The following OPRM1 variants were observed in gnomAD, a reference collection of about 807,000 sequenced individuals.
OPRM1 encodes the protein mu-type opioid receptor.
In OPRM1, 27 loss-of-function variants were observed where a neutral mutation model predicts 31.8. The ratio of observed to expected loss-of-function variants is 0.85; its 90% CI spans 0.63 to 1.17. OPRM1 has a LOEUF of 1.17. Among genes scored for constraint, OPRM1 ranks in the 50% most tolerant of loss-of-function variants. OPRM1 has a pLI of 0.00. For synonymous variants in OPRM1, 196 were observed against 189.9 expected, an observed-to-expected ratio of 1.03 and a Z score of -0.26; for missense variants, 536 against 511.1, an observed-to-expected ratio of 1.05 and a Z score of -0.47.
intron 3 of OPRM1, among the ~76,000 whole-genome samples, chr6:154,236,802 A>C (rs960423317): frequency 2.0e-5 from 3 of 152,172 alleles, no homozygotes; most frequent in African/African-American, 7.2e-5. Context: ...CCTCAGCATC[A>C]GGGTAGAATC....
chr6:154,130,240 C>T lies in OPRM1; in HGVS notation c.*11519C>T, dbSNP rs560570353. Among the ~76,000 whole-genome samples, 2 of 148,620 alleles carry T rather than the reference C, an allele frequency of 1.3e-5. No individual in the cohort carries two copies. The highest frequency in any genetic ancestry group is 4.0e-4 in the East Asian group (2 of 5,056). On this transcript the variant is annotated 3_prime_UTR_variant, in exon 4 of 4. Transcript: ENST00000330432. ...CTGGAGTGCAGTGGCTCAATCTTGG[C>T]TCACTGCAACCTCTGCCTCCCGGGT...
intron 3 of OPRM1, chr6:154,219,016 T>A (rs1400223418): frequency 2.0e-5 from 3 of 152,198 alleles, no homozygotes; most frequent in African/African-American, 7.2e-5. Flanking sequence ...GAAGTATTTA[T>A]ATCATATCTA....
chr6:154,047,893 C>T (rs1343230353), intron 1 of OPRM1, among the ~76,000 whole-genome samples: 1 of 152,136 alleles, frequency 6.6e-6, no homozygotes, highest in African/African-American at 2.4e-5. Context: ...ATGAAAGCAC[C>T]AGCAGATTCT....
chr6:154,068,286 C>T, intron 1 of OPRM1, among the ~76,000 whole-genome samples: 1 of 152,142 alleles, frequency 6.6e-6, no homozygotes, highest in East Asian at 1.9e-4. Context: ...TAACTATAGT[C>T]ACCATGTTGT....
intron 3 of OPRM1, among the ~76,000 whole-genome samples, chr6:154,153,367 C>G (rs762404016): frequency 2.0e-5 from 3 of 152,112 alleles, no homozygotes; most frequent in Non-Finnish European, 4.4e-5. Context: ...TCCAGGTGAG[C>G]CTGTTGTAAT....
chr6:154,091,535 G>A, intron 3 of OPRM1, 63 bp downstream of exon 3: 1 of 1,527,148 alleles, frequency 6.5e-7, no homozygotes, highest in Non-Finnish European at 8.7e-7. Flanking sequence ...AAGGCTTTGT[G>A]CTAAACTAGG....
intron 1 of OPRM1, among the ~76,000 whole-genome samples, chr6:154,032,901 G>C (rs1187069765): frequency 1.3e-5 from 2 of 152,234 alleles, no homozygotes; most frequent in Non-Finnish European, 2.9e-5. Context: ...GTGCTCATGA[G>C]TTATTTAAGT....
At chr6:154,084,249 A>G (rs1027146249) in intron 1 of OPRM1, among the ~76,000 whole-genome samples, 1 of 152,224 alleles carries the variant, frequency 6.6e-6, no homozygotes, top group Non-Finnish European at 1.5e-5. Context: ...ACAACATTTT[A>G]TAGCAAAGTG....
At chr6:154,107,685 T>G (rs1398212464) in intron 3 of OPRM1, 1 of 718,440 alleles carries the variant, frequency 1.4e-6, no homozygotes, top group Admixed American at 2.0e-5. Flanking sequence ...GGTACTGCCG[T>G]GTGGTTAAAA....
At chr6:154,063,102 T>A (rs901797791) in intron 1 of OPRM1, among the ~76,000 whole-genome samples, 3 of 152,052 alleles carry the variant, frequency 2.0e-5, no homozygotes, top group Admixed American at 6.5e-5. Flanking sequence ...ATATTTTGCT[T>A]GCATAGCAAC....
At chr6:154,194,899 T>C (rs1397984305) in intron 3 of OPRM1, among the ~76,000 whole-genome samples, 1 of 152,050 alleles carries the variant, frequency 6.6e-6, no homozygotes. Context: ...TTTCCCAACA[T>C]CAAATGATAC....
chr6:154,010,805 T>C, exon 1 of OPRM1: 1 of 1,406,378 alleles, frequency 7.1e-7, no homozygotes, highest in Non-Finnish European at 9.3e-7. Flanking sequence ...TGGGCTGCTC[T>C]GAGATGATAG....
intron 3 of OPRM1, among the ~76,000 whole-genome samples, chr6:154,147,898 G>A (rs1012461675): frequency 2.6e-5 from 4 of 152,182 alleles, no homozygotes; most frequent in Non-Finnish European, 4.4e-5. Flanking sequence ...TTGGTTCCTT[G>A]ACCTATATAA....
Position 154,128,675 on chromosome 6 carries a change from C to G in OPRM1, c.*9954C>G, listed in dbSNP as rs981352144. ...TTGAAGCAATCATACTGGTTGTTCTCGAACTAGCTGGTTTCCCAGAGACAG... is the reference window on the plus strand; with the variant it reads ...TTGAAGCAATCATACTGGTTGTTCTGGAACTAGCTGGTTTCCCAGAGACAG... On this transcript the variant is annotated 3_prime_UTR_variant, in exon 4 of 4. Coordinates refer to ENST00000330432, the MANE Select transcript of OPRM1 (RefSeq NM_000914.5). Among the ~76,000 whole-genome samples, 8 of 152,118 alleles carry G rather than the reference C, an allele frequency of 5.3e-5. No homozygotes were observed. The highest frequency in any genetic ancestry group is 5.2e-4 in the Admixed American group (8 of 15,270).
rs1357614491 is a variant in OPRM1, at chr6:154,107,770, C to T, written c.1165-10913C>T. 1.4e-6 allele frequency: 1 copy of T among 718,382 alleles called. No homozygotes were observed. The highest frequency in any genetic ancestry group is 2.6e-6 in the Non-Finnish European group (1 of 385,094). 44.5% of individuals were successfully genotyped at this position (718,382 alleles called of 1,614,324 possible). A position where few individuals can be genotyped will look rare whatever the true frequency, so the allele number is the denominator to read the frequency against. ...CAGGGACCTCCAGCCAAGTTTGTTG[C>T]TGACCAACTTGCCGGGTCGTCTTGA... On this transcript the variant is annotated intron_variant, in intron 3 of 3. Transcript: ENST00000330432.
chr6:154,105,856 C>T (rs1417835408), intron 3 of OPRM1, among the ~76,000 whole-genome samples: 1 of 152,172 alleles, frequency 6.6e-6, no homozygotes, highest in African/African-American at 2.4e-5. Flanking sequence ...ACTATTAATG[C>T]TAAACCTAAG....
chr6:154,030,704 G>A (rs550390783), intron 1 of OPRM1, among the ~76,000 whole-genome samples: 5 of 152,118 alleles, frequency 3.3e-5, no homozygotes, highest in Non-Finnish European at 7.4e-5. Context: ...AGACTGACCA[G>A]CATGGTGAAA....
At chr6:154,182,740 G>A (rs1034203505) in intron 3 of OPRM1, among the ~76,000 whole-genome samples, 2 of 152,168 alleles carry the variant, frequency 1.3e-5, no homozygotes, top group African/African-American at 4.8e-5. Flanking sequence ...CGAATCCAAT[G>A]CATTGTAGAT....
chr6:154,188,849 A>G (rs1341524847), intron 3 of OPRM1, among the ~76,000 whole-genome samples: 1 of 152,250 alleles, frequency 6.6e-6, no homozygotes, highest in Non-Finnish European at 1.5e-5. Context: ...CATGGAACAC[A>G]TCAAAATAAT....
Sources: allele counts gnomAD v4.1 joint callset (sites outside exome capture counted in the v4.1 genomes callset), GRCh38; gene constraint gnomAD v4.1.1; transcripts MANE v1.5; gene names NCBI Gene and HGNC (gene_info 2026-07-23, HGNC 2026-07-21).